PLCB1: variants seen among roughly 807,000 people sequenced by gnomAD.
The protein encoded by PLCB1 is 1-phosphatidylinositol 4,5-bisphosphate phosphodiesterase beta-1.
In PLCB1, 46 loss-of-function variants were observed where a neutral mutation model predicts 161.8. That is an observed-to-expected ratio of 0.28 (90% CI 0.22 to 0.36). The LOEUF is 0.36. Ranked by LOEUF, PLCB1 falls within the 10% of genes least tolerant of loss-of-function variation. PLCB1 has a pLI of 1.00. For synonymous variants in PLCB1, 517 were observed against 503.7 expected (o/e 1.03, Z -0.35); for missense variants, 1,016 against 1,472.5 (o/e 0.69, Z 5.07).
chr20:8,527,876 C>T (rs969789960), intron 3 of PLCB1, among the ~76,000 whole-genome samples: 8 of 152,018 alleles, frequency 5.3e-5, no homozygotes, highest in Non-Finnish European at 1.0e-4. Flanking sequence ...TAACAGTGCT[C>T]AGTAATCCCA....
At chr20:8,805,126 G>A (rs1282537491) in intron 31 of PLCB1, among the ~76,000 whole-genome samples, 2 of 151,432 alleles carry the variant, frequency 1.3e-5, no homozygotes, top group Admixed American at 1.3e-4. Flanking sequence ...CACATAAATA[G>A]TTGGAATTTT....
At chr20:8,681,175 C>T (rs979735034) in intron 9 of PLCB1, among the ~76,000 whole-genome samples, 3 of 145,468 alleles carry the variant, frequency 2.1e-5, no homozygotes, top group African/African-American at 5.0e-5. Flanking sequence ...TGACAACTTC[C>T]GGATTAAATA....
In PLCB1 at chr20:8,732,891, CAT is replaced by C. The variant is rs996834868; in HGVS notation, c.1889-342_1889-341del. Reference sequence around the variant, plus strand: ...TATATTATATTATATTAATATTTAACATATATTATACAAATATATTATTCTAA... The same window carrying C: ...TATATTATATTATATTAATATTTAACATATTATACAAATATATTATTCTAA... On this transcript the variant is annotated intron_variant, in intron 18 of 31. Coordinates refer to ENST00000338037, the MANE Select transcript of PLCB1 (RefSeq NM_015192.4). 4.2e-5 allele frequency among the ~76,000 whole-genome samples: 6 copies of C among 144,230 alleles called. No individual in the cohort carries two copies. The East Asian group carries it at 8.0e-4, about 19-fold the overall frequency. The allele number at this position is 144,230 out of a possible 152,430, so 94.6% of individuals were successfully genotyped here.
At chr20:8,477,493 T>G (rs534554800) in intron 3 of PLCB1, among the ~76,000 whole-genome samples, 1 of 152,250 alleles carries the variant, frequency 6.6e-6, no homozygotes, top group Non-Finnish European at 1.5e-5. Context: ...ATGTAACTAG[T>G]GTGTATTAGC....
At chr20:8,170,754 T>C (rs1256877930) in intron 2 of PLCB1, among the ~76,000 whole-genome samples, 2 of 152,176 alleles carry the variant, frequency 1.3e-5, no homozygotes, top group Non-Finnish European at 2.9e-5. Flanking sequence ...GCCCTGAATC[T>C]ATGAGGCTGA....
chr20:8,416,468 G>T (rs1349797967), intron 3 of PLCB1, among the ~76,000 whole-genome samples: 1 of 152,236 alleles, frequency 6.6e-6, no homozygotes, highest in Middle Eastern at 3.4e-3. Context: ...TCAAAGAGAT[G>T]TGTCACACTA....
chr20:8,317,615 A>G (rs1194396665), intron 2 of PLCB1, among the ~76,000 whole-genome samples: 5 of 151,996 alleles, frequency 3.3e-5, no homozygotes, highest in South Asian at 2.1e-4. Flanking sequence ...TGCAAATTCT[A>G]AGGCATTCTT....
chr20:8,517,682 G>A (rs112317492), intron 3 of PLCB1, among the ~76,000 whole-genome samples: 2,123 of 152,268 alleles, frequency 0.014, 48 homozygotes, highest in African/African-American at 0.046. Flanking sequence ...GGATGGGACC[G>A]GGGCTCAGAT....
chr20:8,172,560 G>A (rs1018215993), intron 2 of PLCB1, among the ~76,000 whole-genome samples: 1 of 152,176 alleles, frequency 6.6e-6, no homozygotes, highest in Non-Finnish European at 1.5e-5. Flanking sequence ...TACAACCATT[G>A]TAAGGGCTTT....
chr20:8,345,751 A>G (rs969494748), intron 2 of PLCB1, among the ~76,000 whole-genome samples: 1 of 152,208 alleles, frequency 6.6e-6, no homozygotes, highest in Non-Finnish European at 1.5e-5. Flanking sequence ...ATCTCTAGGG[A>G]TCCTGAAGAT....
At chr20:8,812,345 G>T (rs913424517) in intron 31 of PLCB1, among the ~76,000 whole-genome samples, 1 of 152,082 alleles carries the variant, frequency 6.6e-6, no homozygotes, top group Non-Finnish European at 1.5e-5. Flanking sequence ...CATATCTTGT[G>T]TGTCTTAGAA....
chr20:8,579,201 A>G (rs1376812477), intron 3 of PLCB1, among the ~76,000 whole-genome samples: 11 of 152,236 alleles, frequency 7.2e-5, no homozygotes, highest in Non-Finnish European at 1.5e-5. Flanking sequence ...GGCAAATGTC[A>G]CATCTACAGA....
chr20:8,513,894 G>C (rs1983996867), intron 3 of PLCB1, among the ~76,000 whole-genome samples: 1 of 151,934 alleles, frequency 6.6e-6, no homozygotes. Context: ...TGGGCATGGT[G>C]GTGTGTGCCT....
intron 4 of PLCB1, among the ~76,000 whole-genome samples, chr20:8,645,326 A>G (rs977480523): frequency 2.6e-5 from 4 of 151,340 alleles, no homozygotes; most frequent in African/African-American, 4.9e-5. Flanking sequence ...AAAAAAATAA[A>G]GACATTATTT....
At chr20:8,713,513 C>T (rs139574099) in intron 12 of PLCB1, among the ~76,000 whole-genome samples, 54 of 152,254 alleles carry the variant, frequency 3.5e-4, no homozygotes, top group African/African-American at 1.2e-3. Context: ...CTACATTAGA[C>T]ATAGATTCTT....
At chr20:8,881,359 G>GTGTGTGTGTGTGCA (rs58899865) in intron 31 of PLCB1, among the ~76,000 whole-genome samples, 3 of 100,440 alleles carry the variant, frequency 3.0e-5, no homozygotes, top group Non-Finnish European at 8.4e-5. Context: ...GTGTGTGTGT[G>GTGTGTGTGTGTGCA]CATTTGTAGA....
At chr20:8,359,470 G>A (rs914114572) in intron 2 of PLCB1, among the ~76,000 whole-genome samples, 1 of 152,072 alleles carries the variant, frequency 6.6e-6, no homozygotes, top group East Asian at 1.9e-4. Context: ...TTAGCTATGG[G>A]TATGACAAAA....
chr20:8,497,078 A>G (rs904536835), intron 3 of PLCB1, among the ~76,000 whole-genome samples: 2 of 152,206 alleles, frequency 1.3e-5, no homozygotes, highest in Admixed American at 6.5e-5. Context: ...TGTCAGTGAT[A>G]TATGTGTCTA....
chr20:8,234,336 G>A (rs1980216081), intron 2 of PLCB1, among the ~76,000 whole-genome samples: 1 of 152,116 alleles, frequency 6.6e-6, no homozygotes, highest in Non-Finnish European at 1.5e-5. Context: ...AAAGGGAGCA[G>A]GGTGGAGTTA....
Sources: gnomAD v4.1 joint callset for allele counts (sites outside exome capture counted in the v4.1 genomes callset) on GRCh38, gnomAD v4.1.1 for gene constraint, MANE v1.5 for transcripts, NCBI Gene and HGNC (gene_info 2026-07-23, HGNC 2026-07-21) for gene names.